ZNF385D: variants seen among roughly 807,000 people sequenced by gnomAD.
The protein encoded by ZNF385D is zinc finger protein 659.
ZNF385D carries 15 observed loss-of-function variants against 35.8 expected under a neutral mutation model. The observed-to-expected ratio is 0.42, with a 90% CI of 0.28 to 0.64. The LOEUF is 0.64. Ranked by LOEUF, ZNF385D falls within the 30% of genes least tolerant of loss-of-function variation. The pLI is 0.23. For synonymous variants in ZNF385D, 212 were observed against 186.8 expected, an observed-to-expected ratio of 1.13 and a Z score of -1.10; for missense variants, 474 against 494.6, an observed-to-expected ratio of 0.96 and a Z score of 0.39.
At chr3:21,872,365 T>C (rs1332329418) in intron 3 of ZNF385D, among the ~76,000 whole-genome samples, 3 of 152,200 alleles carry the variant, frequency 2.0e-5, no homozygotes, top group Non-Finnish European at 4.4e-5. Context: ...TTTTCTATTA[T>C]TCTTATATTC....
chr3:21,439,358 A>G (rs1405374876), intron 4 of ZNF385D, among the ~76,000 whole-genome samples: 2 of 151,052 alleles, frequency 1.3e-5, no homozygotes, highest in Non-Finnish European at 2.9e-5. Flanking sequence ...GTGATTCTGC[A>G]TAGTAAGGTC....
chr3:22,011,292 G>T (rs1696558762), intron 3 of ZNF385D, among the ~76,000 whole-genome samples: 1 of 152,016 alleles, frequency 6.6e-6, no homozygotes, highest in Non-Finnish European at 1.5e-5. Context: ...ATATTGAAGA[G>T]CAGTATTCTT....
chr3:21,785,843 A>C (rs1208792506), intron 3 of ZNF385D, among the ~76,000 whole-genome samples: 1 of 152,184 alleles, frequency 6.6e-6, no homozygotes, highest in East Asian at 1.9e-4. Context: ...CTATTTGACT[A>C]ACTGTACTGA....
chr3:21,574,133 A>G (rs1272022074), intron 2 of ZNF385D, among the ~76,000 whole-genome samples: 1 of 151,972 alleles, frequency 6.6e-6, no homozygotes, highest in Non-Finnish European at 1.5e-5. Flanking sequence ...AACAATTACT[A>G]CTAATCAACA....
chr3:22,030,255 TCA>T (rs1491282192), intron 3 of ZNF385D, among the ~76,000 whole-genome samples: 5 of 27,914 alleles, frequency 1.8e-4, no homozygotes, highest in African/African-American at 6.2e-4. Flanking sequence ...ATAAACTCAT[TCA>T]TATATATATA....
At chr3:21,589,039 GA>G (rs1271547825) in intron 2 of ZNF385D, among the ~76,000 whole-genome samples, 4 of 152,128 alleles carry the variant, frequency 2.6e-5, no homozygotes, top group Non-Finnish European at 5.9e-5. Context: ...GTTTTAGTGG[GA>G]GAGAGACACA....
At chr3:22,360,770 C>T (rs1182415358) in intron 2 of ZNF385D, among the ~76,000 whole-genome samples, 5 of 151,950 alleles carry the variant, frequency 3.3e-5, no homozygotes, top group Admixed American at 6.6e-5. Flanking sequence ...CAAGAAACAA[C>T]GCTTCAACTT....
At chr3:22,076,328 C>T (rs2125573245) in intron 3 of ZNF385D, among the ~76,000 whole-genome samples, 1 of 152,056 alleles carries the variant, frequency 6.6e-6, no homozygotes, top group South Asian at 2.1e-4. Context: ...CAACCTTGGT[C>T]ACTTCGGTCC....
At chr3:22,078,226 T>C (rs747459866) in intron 3 of ZNF385D, among the ~76,000 whole-genome samples, 2 of 152,006 alleles carry the variant, frequency 1.3e-5, no homozygotes, top group Non-Finnish European at 2.9e-5. Context: ...ATAGACCCTT[T>C]TCAAAAGATA....
intron 2 of ZNF385D, among the ~76,000 whole-genome samples, chr3:21,618,809 A>T (rs571138288): frequency 6.6e-6 from 1 of 152,136 alleles, no homozygotes; most frequent in South Asian, 2.1e-4. Flanking sequence ...ACCAAACTTA[A>T]CTGCAAACTT....
At chr3:21,858,081 G>A (rs541979645) in intron 3 of ZNF385D, among the ~76,000 whole-genome samples, 1 of 149,098 alleles carries the variant, frequency 6.7e-6, no homozygotes, top group East Asian at 2.0e-4. Context: ...AGAATCACTT[G>A]AACCCAGGAG....
chr3:22,227,425 T>C (rs1398570869), intron 2 of ZNF385D, among the ~76,000 whole-genome samples: 8 of 152,200 alleles, frequency 5.3e-5, no homozygotes, highest in African/African-American at 1.9e-4. Context: ...GAAGGAATGC[T>C]TCCCAGAAAG....
At chr3:21,975,096 T>A (rs1576054109) in intron 3 of ZNF385D, among the ~76,000 whole-genome samples, 1 of 152,194 alleles carries the variant, frequency 6.6e-6, no homozygotes, top group Non-Finnish European at 1.5e-5. Context: ...AAAATCAGTA[T>A]ATTGAAGAGA....
intron 2 of ZNF385D, among the ~76,000 whole-genome samples, chr3:22,188,256 C>A (rs17010983): frequency 0.02 from 3,094 of 152,244 alleles, 67 homozygotes; most frequent in South Asian, 0.11. Flanking sequence ...TAAGATACTG[C>A]TGGCAACACT....
intron 3 of ZNF385D, among the ~76,000 whole-genome samples, chr3:22,104,363 A>T (rs893757466): frequency 3.3e-5 from 5 of 152,092 alleles, no homozygotes; most frequent in Non-Finnish European, 7.4e-5. Context: ...CGTTCACTAT[A>T]ATCTACTTTG....
rs190656045 is a variant in ZNF385D, at chr3:21,672,849, C to T, written c.23-7821G>A. Among the ~76,000 whole-genome samples the T allele has an allele frequency of 1.1e-4, 16 of 152,208 alleles. No homozygotes were observed. The South Asian group carries it at 1.7e-3, about 16-fold the overall frequency. On this transcript the variant is annotated intron_variant, in intron 1 of 7. Transcript: ENST00000281523. The stretch of plus-strand genomic sequence containing the variant: ...ATCAAGGTCTCCACTAGAAGAAAAA[C>T]GGGATCTCTCACTTATTTAACTAAC...
chr3:22,319,485 T>C (rs1694290825), intron 2 of ZNF385D, among the ~76,000 whole-genome samples: 1 of 152,132 alleles, frequency 6.6e-6, no homozygotes, highest in Admixed American at 6.6e-5. Context: ...ACTGGGAAAC[T>C]TTGGGGAAAA....
At position 21,828,784 on chromosome 3, in the gene ZNF385D, T is replaced by TGGCA. The variant is rs527386916; in HGVS notation, c.326-163760_326-163757dup. ...TTTTACTGCACTGAATTCAACGTACTGGCAAGGCTGGTTTTTCTGTAGGCT... is the reference window on the plus strand; with the variant it reads ...TTTTACTGCACTGAATTCAACGTACTGGCAGGCAAGGCTGGTTTTTCTGTAGGCT... On this transcript the variant is annotated intron_variant, in intron 3 of 5. Transcript: ENST00000494108. Among the ~76,000 whole-genome samples the TGGCA allele has an allele frequency of 3.8e-3, 569 of 150,554 alleles. 3 individuals are homozygous for TGGCA. The highest frequency in any genetic ancestry group is 0.013 in the African/African-American group (523 of 41,432).
At chr3:21,582,652 A>T (rs527700711) in intron 2 of ZNF385D, among the ~76,000 whole-genome samples, 28 of 152,344 alleles carry the variant, frequency 1.8e-4, no homozygotes, top group African/African-American at 6.5e-4. Flanking sequence ...TAAAAACCTT[A>T]AAGATTAAGT....
Sources: allele counts gnomAD v4.1 joint callset (sites outside exome capture counted in the v4.1 genomes callset), GRCh38; gene constraint gnomAD v4.1.1; transcripts MANE v1.5; gene names NCBI Gene and HGNC (gene_info 2026-07-23, HGNC 2026-07-21).